IGFBP7: variants seen among roughly 807,000 people sequenced by gnomAD.
IGFBP7 encodes the protein insulin like growth factor binding protein 7.
IGFBP7 carries 31 observed loss-of-function variants against 29.4 expected under a neutral mutation model. The observed-to-expected ratio is 1.05, with a 90% CI of 0.79 to 1.42. The LOEUF is 1.42. IGFBP7 is among the 40% of genes most tolerant of loss of function. The pLI is 0.00. For missense variants in IGFBP7, 393 were observed against 395.5 expected (o/e 0.99, Z 0.05); for synonymous variants, 172 against 174.9 (o/e 0.98, Z 0.13).
chr4:57,042,638 A>T (rs1013659381), intron 1 of IGFBP7, among the ~76,000 whole-genome samples: 33 of 152,220 alleles, frequency 2.2e-4, no homozygotes, highest in African/African-American at 7.7e-4. Flanking sequence ...GTGAGCCACT[A>T]TGCCCGGCCT....
chr4:57,083,647 T>A (rs186652436), intron 1 of IGFBP7, among the ~76,000 whole-genome samples: 1 of 152,354 alleles, frequency 6.6e-6, no homozygotes, highest in Admixed American at 6.5e-5. Context: ...TGATGCTGGC[T>A]GTTTAGTACA....
At chr4:57,073,069 C>G in intron 1 of IGFBP7, 1 of 1,507,648 alleles carries the variant, frequency 6.6e-7, no homozygotes, top group South Asian at 1.1e-5. Flanking sequence ...GGAAACCCCC[C>G]ACAGCTTTTA....
At chr4:57,096,003 T>G (rs1725753518) in intron 1 of IGFBP7, among the ~76,000 whole-genome samples, 1 of 152,094 alleles carries the variant, frequency 6.6e-6, no homozygotes, top group Non-Finnish European at 1.5e-5. Flanking sequence ...CATTGGAGAT[T>G]CAGTAGTGAA....
chr4:57,075,586 G>C (rs1725202434), intron 1 of IGFBP7, among the ~76,000 whole-genome samples: 1 of 152,046 alleles, frequency 6.6e-6, no homozygotes, highest in Non-Finnish European at 1.5e-5. Context: ...TTTCTAATGA[G>C]ATTTCTGCAA....
chr4:57,060,788 G>A (rs1310373456), intron 1 of IGFBP7, among the ~76,000 whole-genome samples: 2 of 152,094 alleles, frequency 1.3e-5, no homozygotes, highest in Non-Finnish European at 2.9e-5. Flanking sequence ...GCGTGGTGGT[G>A]TGCACCTGTA....
At chr4:57,039,087 A>G (rs964491027) in intron 2 of IGFBP7, among the ~76,000 whole-genome samples, 3 of 146,380 alleles carry the variant, frequency 2.0e-5, no homozygotes, top group Admixed American at 2.0e-4. Context: ...AAAAAAAAAA[A>G]AGACAAAAAC....
intron 1 of IGFBP7, among the ~76,000 whole-genome samples, chr4:57,083,831 A>G (rs980135001): frequency 2.6e-5 from 4 of 152,182 alleles, no homozygotes; most frequent in Non-Finnish European, 5.9e-5. Context: ...CTATTTTATT[A>G]GTTTTATTTT....
At chr4:57,045,150 G>A (rs1307957322) in intron 1 of IGFBP7, among the ~76,000 whole-genome samples, 3 of 152,204 alleles carry the variant, frequency 2.0e-5, no homozygotes, top group Non-Finnish European at 4.4e-5. Context: ...AACAGGCTGA[G>A]TCAACATTTG....
Position 57,110,037 on chromosome 4 carries a change from C to T in IGFBP7, c.315G>A (p.Pro105=). The change falls in exon 1 of 5, where the codon CCG becomes CCA. Residue 105 remains proline, a synonymous_variant. Transcript: ENST00000295666. The part of the protein sequence containing the change: ...KGKAGAAAGG[P]GVSGVCVCKS... ...TGCACACGCACACGCCGCTTACACC[C>T]GGACCGCCGGCTGCTGCCCCGGCTT... The T allele has an allele frequency of 6.4e-7, 1 of 1,558,298 alleles. No homozygotes were observed. Among genetic ancestry groups the T allele is most frequent in the Non-Finnish European group, 8.6e-7 (1 of 1,158,142 alleles).
intron 1 of IGFBP7, among the ~76,000 whole-genome samples, chr4:57,094,365 G>T (rs1725711636): frequency 6.6e-6 from 1 of 152,156 alleles, no homozygotes; most frequent in African/African-American, 2.4e-5. Context: ...GCGTGGTTGT[G>T]GGGAGGGTGT....
At chr4:57,059,571 AACAACAGAC>A (rs1192468101) in intron 1 of IGFBP7, among the ~76,000 whole-genome samples, 2 of 152,148 alleles carry the variant, frequency 1.3e-5, no homozygotes, top group African/African-American at 4.8e-5. Context: ...CAAAGAGGGG[AACAACAGAC>A]ACTGGGTCTA....
At chr4:57,079,470 A>G (rs139620915) in intron 1 of IGFBP7, among the ~76,000 whole-genome samples, 1 of 152,330 alleles carries the variant, frequency 6.6e-6, no homozygotes, top group African/African-American at 2.4e-5. Context: ...TCCTTTGCAG[A>G]GGTTCTTCAA....
At chr4:57,106,683 G>A (rs1726038242) in intron 1 of IGFBP7, among the ~76,000 whole-genome samples, 1 of 152,158 alleles carries the variant, frequency 6.6e-6, no homozygotes, top group East Asian at 1.9e-4. Flanking sequence ...AGGGAGAAAG[G>A]ATGGTACCTA....
At chr4:57,058,949 C>A (rs1724734335) in intron 1 of IGFBP7, among the ~76,000 whole-genome samples, 2 of 152,154 alleles carry the variant, frequency 1.3e-5, no homozygotes, top group South Asian at 2.1e-4. Context: ...TGAATGGACA[C>A]TTTTCTAAAG....
At chr4:57,071,067 G>A (rs557929518) in intron 1 of IGFBP7, among the ~76,000 whole-genome samples, 1 of 152,308 alleles carries the variant, frequency 6.6e-6, no homozygotes, top group African/African-American at 2.4e-5. Context: ...GGGTCCATGT[G>A]CATAAGGTGG....
intron 1 of IGFBP7, among the ~76,000 whole-genome samples, chr4:57,091,120 C>G (rs1725626460): frequency 6.6e-6 from 1 of 152,122 alleles, no homozygotes; most frequent in Non-Finnish European, 1.5e-5. Context: ...CAAAACAAAG[C>G]CTTAGAGTCT....
intron 1 of IGFBP7, among the ~76,000 whole-genome samples, chr4:57,074,819 G>A (rs1032809565): frequency 6.6e-6 from 1 of 152,224 alleles, no homozygotes; most frequent in Non-Finnish European, 1.5e-5. Context: ...AATTTAAATT[G>A]TACTTCATTT....
intron 1 of IGFBP7, among the ~76,000 whole-genome samples, chr4:57,043,995 T>A (rs1467720887): frequency 6.6e-6 from 1 of 152,200 alleles, no homozygotes; most frequent in Admixed American, 6.5e-5. Flanking sequence ...ACACACAGAC[T>A]TGGCAGGAGG....
chr4:57,037,382 G>GTT (rs5858408), intron 2 of IGFBP7, among the ~76,000 whole-genome samples: 147 of 148,716 alleles, frequency 9.9e-4, no homozygotes, highest in Middle Eastern at 3.4e-3. Flanking sequence ...GGGTTTTTTG[G>GTT]TTTTTTTTTT....
Sources: allele counts gnomAD v4.1 joint callset (sites outside exome capture counted in the v4.1 genomes callset), GRCh38; gene constraint gnomAD v4.1.1; transcripts MANE v1.5; gene names NCBI Gene and HGNC (gene_info 2026-07-23, HGNC 2026-07-21).